SYNE1: variants seen among roughly 807,000 people sequenced by gnomAD.
SYNE1 encodes nesprin-1.
In SYNE1, 616 loss-of-function variants were observed where a neutral mutation model predicts 1,111.0. That is an observed-to-expected ratio of 0.55 (90% CI 0.52 to 0.59). The LOEUF (loss-of-function observed/expected upper bound fraction) is 0.59, where lower values mean the gene tolerates loss of function less well. SYNE1 is among the 20% of genes least tolerant of loss of function. The pLI, the probability that SYNE1 is intolerant of heterozygous loss-of-function variation, is 0.00. For synonymous variants in SYNE1, 3,855 were observed against 3,825.8 expected, an observed-to-expected ratio of 1.01 and a Z score of -0.28; for missense variants, 10,006 against 10,417.0, an observed-to-expected ratio of 0.96 and a Z score of 1.72.
In SYNE1 at chr6:152,201,834, A is replaced by G. The variant is rs2075522172; in HGVS notation, c.23135T>C (p.Met7712Thr). 1.9e-6 allele frequency: 3 copies of G among 1,613,898 alleles called. No individual in the cohort carries two copies. Among genetic ancestry groups the G allele is most frequent in the Non-Finnish European group, 1.7e-6 (2 of 1,179,818 alleles). The change falls in exon 127 of 146, where the codon ATG becomes ACG. Residue 7712 changes from methionine to threonine, a missense_variant. Physicochemically the swap from Met to Thr is moderately conservative, Grantham distance 81 (BLOSUM62 -1). Transcript: ENST00000367255. Reference sequence around the variant, plus strand: ...AGTTCAGTAATTTACCTTGCAACGCATTTGTTCTGCATGGAGCTCTTCATG... The same window carrying G: ...AGTTCAGTAATTTACCTTGCAACGCGTTTGTTCTGCATGGAGCTCTTCATG... ...DHHEELHAEQ[M>T]RCKELENAVG...
Position 152,394,939 on chromosome 6 carries a change from C to T in SYNE1, c.7712+577G>A, listed in dbSNP as rs533032331. ...CTGGAATTACAGGTGCCCTCCACCA[C>T]GCCCAGCTAATTTTTGTATTTTTAG... On this transcript the variant is annotated intron_variant, in intron 51 of 145. Coordinates refer to ENST00000367255, the MANE Select transcript of SYNE1 (RefSeq NM_182961.4). 1.3e-3 allele frequency among the ~76,000 whole-genome samples: 199 copies of T among 151,926 alleles called. 1 individual carries two copies. The highest frequency in any genetic ancestry group is 4.6e-3 in the South Asian group (22 of 4,774).
chr6:152,309,501 G>A lies in SYNE1; in HGVS notation c.17202+334C>T, dbSNP rs141035217. ...AAAAACTCTGTAACACAAGATAACAGTAAACCTGTATTATCAGTTTGTAGA... is the reference window on the plus strand; with the variant it reads ...AAAAACTCTGTAACACAAGATAACAATAAACCTGTATTATCAGTTTGTAGA... On this transcript the variant is annotated intron_variant, in intron 90 of 145. Transcript: ENST00000367255. Among the ~76,000 whole-genome samples the A allele has an allele frequency of 4.1e-3, 627 of 152,216 alleles. 5 individuals are homozygous for A. Among genetic ancestry groups the A allele is most frequent in the African/African-American group, 0.014 (588 of 41,534 alleles).
At chr6:152,353,793 A>G (rs748864506) in intron 67 of SYNE1, 49 bp from the exon 68 acceptor site, 2 of 1,607,420 alleles carry the variant, frequency 1.2e-6, no homozygotes, top group South Asian at 1.1e-5. Flanking sequence ...AGCCATTCGA[A>G]TAAGCCAAAT....
At chr6:152,265,206 A>AG (rs1395131926) in intron 100 of SYNE1, among the ~76,000 whole-genome samples, 132 of 113,486 alleles carry the variant, frequency 1.2e-3, no homozygotes, top group East Asian at 3.2e-3. Context: ...ACTCTGTCTC[A>AG]GAAAAAAAAA....
intron 2 of SYNE1, 29 bp from the exon 3 acceptor site, chr6:152,628,583 A>G: frequency 1.9e-6 from 1 of 519,376 alleles, no homozygotes; most frequent in Non-Finnish European, 3.4e-6. Flanking sequence ...AAGGTACAAC[A>G]TAAAAAAAAA....
intron 77 of SYNE1, among the ~76,000 whole-genome samples, chr6:152,332,176 G>C (rs532222952): frequency 6.6e-6 from 1 of 152,188 alleles, no homozygotes; most frequent in African/African-American, 2.4e-5. Flanking sequence ...GTTTCACCAT[G>C]TTGGTCAGGC....
chr6:152,266,808 T>C (rs893271732), intron 100 of SYNE1, among the ~76,000 whole-genome samples: 1 of 152,186 alleles, frequency 6.6e-6, no homozygotes, highest in African/African-American at 2.4e-5. Context: ...GCCCTCAGAA[T>C]TCGTATATAT....
intron 3 of SYNE1, among the ~76,000 whole-genome samples, chr6:152,573,319 CT>C (rs1564927892): frequency 1.8e-5 from 2 of 109,352 alleles, no homozygotes; most frequent in African/African-American, 7.5e-5. Flanking sequence ...TCTCCTAATG[CT>C]ATCCCCCCCC....
At position 152,455,539 on chromosome 6, in the gene SYNE1, G is replaced by A. The variant is rs549751416; in HGVS notation, c.2779C>T (p.Arg927Cys). Residue 927 changes from arginine (R) to cysteine (C), a missense_variant, in exon 24 of 146, where the codon CGC becomes TGC. By Grantham distance (180) the Arg-to-Cys change is radical. This residue lies in a region of SYNE1 where 1,971 missense variants were observed against 2,084.1 expected (regional missense o/e 0.95). Transcript: ENST00000367255. ...DWKKHVETNS[R>C]LMKKFEESRA... ...GACTCCTCAAACTTCTTCATCAAGC[G>A]ACTGTTGGTTTCCACATGCTTCTTC... The A allele has an allele frequency of 2.2e-5, 35 of 1,614,076 alleles. No homozygotes were observed. In the South Asian group the frequency reaches 2.4e-4, roughly 11 times the overall value.
intron 127 of SYNE1, among the ~76,000 whole-genome samples, chr6:152,196,796 G>A (rs1034467289): frequency 6.6e-6 from 1 of 152,002 alleles, no homozygotes; most frequent in Non-Finnish European, 1.5e-5. Flanking sequence ...GTGTCACCGG[G>A]TCATGTACCC....
At chr6:152,337,803 G>C (rs919050326) in intron 75 of SYNE1, among the ~76,000 whole-genome samples, 1 of 152,142 alleles carries the variant, frequency 6.6e-6, no homozygotes, top group African/African-American at 2.4e-5. Context: ...CTGCTTCACT[G>C]GTTTTTGAAG....
At chr6:152,484,329 T>C (rs1353075381) in intron 13 of SYNE1, among the ~76,000 whole-genome samples, 1 of 152,130 alleles carries the variant, frequency 6.6e-6, no homozygotes, top group Non-Finnish European at 1.5e-5. Flanking sequence ...AGAATATGAA[T>C]ATGAAAGATA....
intron 48 of SYNE1, 127 bp from the exon 49 acceptor site, chr6:152,398,858 A>C: frequency 1.5e-6 from 1 of 654,712 alleles, no homozygotes. Context: ...TGCCTTACAA[A>C]ATATTCCACA....
chr6:152,384,640 C>G (rs974819713), intron 55 of SYNE1, among the ~76,000 whole-genome samples: 2 of 152,148 alleles, frequency 1.3e-5, no homozygotes, highest in East Asian at 3.9e-4. Context: ...CTTTGGGAGG[C>G]CAAGGCAGGC....
intron 10 of SYNE1, among the ~76,000 whole-genome samples, chr6:152,499,405 A>G (rs1166847075): frequency 6.6e-6 from 1 of 152,154 alleles, no homozygotes; most frequent in East Asian, 1.9e-4. Context: ...CAGTAAGAAA[A>G]TCATATTTAA....
chr6:152,334,877 G>A (rs2096345496), intron 76 of SYNE1, among the ~76,000 whole-genome samples: 2 of 152,190 alleles, frequency 1.3e-5, no homozygotes, highest in South Asian at 4.1e-4. Flanking sequence ...AGTCGCTCTG[G>A]TTTGAACGCC....
intron 107 of SYNE1, 150 bp downstream of exon 107, chr6:152,242,090 A>G: frequency 2.8e-6 from 2 of 721,876 alleles, no homozygotes; most frequent in South Asian, 3.1e-5. Context: ...GGGTTTGAAT[A>G]TAAATTTTTT....
At chr6:152,540,514 C>A (rs937557855) in intron 3 of SYNE1, among the ~76,000 whole-genome samples, 7 of 152,138 alleles carry the variant, frequency 4.6e-5, no homozygotes, top group Admixed American at 1.3e-4. Context: ...GGAACTTCAC[C>A]CAGATGAGAA....
rs772173519 is a variant in SYNE1, at chr6:152,447,562, T to C, written c.3565A>G (p.Lys1189Glu). 6.2e-7 allele frequency: 1 copy of C among 1,614,218 alleles called. No homozygotes were observed. Among genetic ancestry groups the C allele is most frequent in the Non-Finnish European group, 8.5e-7 (1 of 1,180,038 alleles). Reference sequence around the variant, plus strand: ...TCAGAAGAAACTTCTGTCAAAACTTTCAGCCTGGATTTCAGCCAGCTGAGG... The same window carrying C: ...TCAGAAGAAACTTCTGTCAAAACTTCCAGCCTGGATTTCAGCCAGCTGAGG... ...ETLSWLKSRLKVLTEVSSENE... is the reference protein window; with the variant it reads ...ETLSWLKSRLEVLTEVSSENE... Residue 1189 changes from lysine to glutamate, a missense_variant, in exon 29 of 146, where the codon AAA becomes GAA. Around this residue, in one of 7 missense-constraint regions of SYNE1, gnomAD observed 1,971 missense variants for 2,084.1 expected, o/e 0.95. Transcript: ENST00000367255.
Sources: allele counts gnomAD v4.1 joint callset (sites outside exome capture counted in the v4.1 genomes callset), GRCh38; gene constraint gnomAD v4.1.1; regional missense constraint gnomAD v4.1.1; transcripts MANE v1.5; gene names NCBI Gene and HGNC (gene_info 2026-07-23, HGNC 2026-07-21).